Variants in CUL5 observed in about 807,000 individuals in gnomAD.
The protein encoded by CUL5 is cullin-5.
In CUL5, 26 loss-of-function variants were observed where a neutral mutation model predicts 108.8. The observed-to-expected ratio is 0.24, with a 90% CI of 0.18 to 0.33. CUL5 has a LOEUF of 0.33. Among genes scored for constraint, CUL5 ranks in the 10% least tolerant of loss-of-function variants. The pLI is 1.00. For missense variants in CUL5, 524 were observed against 909.2 expected, an observed-to-expected ratio of 0.58 and a Z score of 5.45; for synonymous variants, 334 against 298.0, an observed-to-expected ratio of 1.12 and a Z score of -1.25.
In CUL5 at chr11:108,046,251, A is replaced by G; in HGVS notation, c.135-19A>G. 6.6e-7 allele frequency: 1 copy of G among 1,520,678 alleles called. No homozygotes were observed. Among genetic ancestry groups the G allele is most frequent in the Non-Finnish European group, 9.1e-7 (1 of 1,104,772 alleles). The allele number at this position is 1,520,678 out of a possible 1,614,324, so 94.2% of individuals were successfully genotyped here. On this transcript the variant is annotated intron_variant, in intron 2 of 18. Transcript: ENST00000393094. ...CTTGTTTCATTATTAATGTTTGTTT[A>G]CCTACTTTATATTCACAGGGATGTG... is the stretch of plus-strand genomic sequence containing the variant.
At chr11:108,019,930 C>T (rs80110175) in intron 1 of CUL5, among the ~76,000 whole-genome samples, 330 of 151,854 alleles carry the variant, frequency 2.2e-3, no homozygotes, top group African/African-American at 7.3e-3. Context: ...AGAGATCACA[C>T]GGCAAGAAAG....
intron 11 of CUL5, among the ~76,000 whole-genome samples, chr11:108,088,025 G>C (rs1032082612): frequency 2.0e-5 from 3 of 151,740 alleles, no homozygotes; most frequent in African/African-American, 7.3e-5. Context: ...ATTCTTTATT[G>C]CTTAGGAAGA....
chr11:108,029,800 A>G (rs762388906), intron 1 of CUL5, among the ~76,000 whole-genome samples: 9 of 152,206 alleles, frequency 5.9e-5, no homozygotes, highest in Non-Finnish European at 1.3e-4. Context: ...GTACTTAACA[A>G]TGTCTATTAG....
At chr11:108,014,725 AATG>A (rs1862137768) in intron 1 of CUL5, among the ~76,000 whole-genome samples, 1 of 152,176 alleles carries the variant, frequency 6.6e-6, no homozygotes, top group Admixed American at 6.5e-5. Flanking sequence ...CTAACTAGAT[AATG>A]ATGAACTAGG....
intron 1 of CUL5, among the ~76,000 whole-genome samples, chr11:108,024,675 T>C (rs1200063784): frequency 1.3e-5 from 2 of 152,148 alleles, no homozygotes; most frequent in Non-Finnish European, 2.9e-5. Context: ...AAACCATTCG[T>C]GGAAATGTAA....
intron 12 of CUL5, 48 bp downstream of exon 12, chr11:108,088,707 AT>A: frequency 6.1e-6 from 9 of 1,471,686 alleles, no homozygotes; most frequent in Non-Finnish European, 8.3e-6. Context: ...CTTACTTTGA[AT>A]TTGTGTTTTG....
intron 1 of CUL5, among the ~76,000 whole-genome samples, chr11:108,027,112 C>T (rs1862470444): frequency 6.6e-6 from 1 of 150,962 alleles, no homozygotes; most frequent in African/African-American, 2.4e-5. Flanking sequence ...TTCTAGTTTT[C>T]TTCTTATTTA....
intron 17 of CUL5, among the ~76,000 whole-genome samples, chr11:108,098,045 G>GT (rs746104114): frequency 7.2e-5 from 11 of 151,878 alleles, no homozygotes; most frequent in Non-Finnish European, 1.5e-4. Context: ...CGTTTTTTGT[G>GT]TTGTTTTGTT....
intron 5 of CUL5, among the ~76,000 whole-genome samples, chr11:108,054,404 G>A (rs925735007): frequency 2.8e-4 from 42 of 152,126 alleles, no homozygotes; most frequent in African/African-American, 1.0e-3. Flanking sequence ...TCAGTTAGAA[G>A]TCAGTTTCTT....
intron 11 of CUL5, among the ~76,000 whole-genome samples, chr11:108,084,211 A>G (rs961684336): frequency 1.3e-5 from 2 of 152,170 alleles, no homozygotes; most frequent in African/African-American, 4.8e-5. Flanking sequence ...ACAACTAGAA[A>G]ATCAGGTAAA....
At chr11:108,095,496 ATTCT>A (rs1864469599) in intron 15 of CUL5, 30 bp from the exon 16 acceptor site, 2 of 1,381,276 alleles carry the variant, frequency 1.4e-6, no homozygotes, top group Non-Finnish European at 2.0e-6. Flanking sequence ...TCATCATGAG[ATTCT>A]TTATTAAAAA....
rs187200720 is a variant in CUL5 at position 108,048,825 on chromosome 11, C to G, written c.235-1065C>G. Among the ~76,000 whole-genome samples, 55 of 151,978 alleles carry G rather than the reference C, an allele frequency of 3.6e-4. 1 individual carries two copies. Among genetic ancestry groups the G allele is most frequent in the African/African-American group, 8.2e-4 (34 of 41,434 alleles). The stretch of plus-strand genomic sequence containing the variant: ...GAGATTACAGGCGCATGCCACCATG[C>G]CTGGCTAATTTTTGTATTTTTAGTA... On this transcript the variant is annotated intron_variant, in intron 3 of 18. Transcript: ENST00000393094.
At chr11:108,061,564 ATCATTATTTTG>A (rs1351956747) in intron 7 of CUL5, among the ~76,000 whole-genome samples, 4 of 152,132 alleles carry the variant, frequency 2.6e-5, no homozygotes, top group African/African-American at 7.2e-5. Context: ...TTCAACAGTT[ATCATTATTTTG>A]TCATGCTTGT....
At chr11:108,045,240 A>G (rs1446613001) in intron 2 of CUL5, among the ~76,000 whole-genome samples, 1 of 152,144 alleles carries the variant, frequency 6.6e-6, no homozygotes, top group Non-Finnish European at 1.5e-5. Context: ...ACAGTAATTG[A>G]TGTGTAAATG....
intron 7 of CUL5, among the ~76,000 whole-genome samples, chr11:108,063,860 C>G (rs4508171): frequency 0.59 from 89,206 of 151,872 alleles, 27,852 homozygotes; most frequent in East Asian, 0.9. Flanking sequence ...CATCATTATA[C>G]GAGGGTTCCT....
At chr11:108,076,117 G>T (rs965429682) in intron 10 of CUL5, among the ~76,000 whole-genome samples, 1 of 151,972 alleles carries the variant, frequency 6.6e-6, no homozygotes, top group African/African-American at 2.4e-5. Context: ...CTGGAGCTTC[G>T]ACCCCTCTGG....
Position 108,069,955 on chromosome 11 carries a change from T to C in CUL5, c.781-141T>C, listed in dbSNP as rs140242208. The C allele has an allele frequency of 1.4e-4, 69 of 495,510 alleles. No individual in the cohort carries two copies. In the East Asian group the frequency reaches 1.7e-3, roughly 12 times the overall value. 30.7% of individuals were successfully genotyped at this position (495,510 alleles called of 1,614,324 possible). A position where few individuals can be genotyped will look rare whatever the true frequency, so the allele number is the denominator to read the frequency against. ...ACTAGTATAGCATATCCATCTTCAA[T>C]AATCCTATAGTTAAGGTAAGTGAAA... On this transcript the variant is annotated intron_variant, in intron 7 of 18. Coordinates refer to ENST00000393094, the MANE Select transcript of CUL5 (RefSeq NM_003478.6).
chr11:108,067,135 C>A (rs974912127), intron 7 of CUL5, among the ~76,000 whole-genome samples: 3 of 152,162 alleles, frequency 2.0e-5, no homozygotes, highest in African/African-American at 7.2e-5. Context: ...CAGTCTATGT[C>A]CTCATAAAGT....
intron 1 of CUL5, among the ~76,000 whole-genome samples, chr11:108,030,825 A>G (rs543726562): frequency 6.6e-6 from 1 of 152,158 alleles, no homozygotes; most frequent in Non-Finnish European, 1.5e-5. Flanking sequence ...TAATTTTATC[A>G]TGAATTTGAT....
Sources: allele counts gnomAD v4.1 joint callset (sites outside exome capture counted in the v4.1 genomes callset), GRCh38; gene constraint gnomAD v4.1.1; transcripts MANE v1.5; gene names NCBI Gene and HGNC (gene_info 2026-07-23, HGNC 2026-07-21).